GTPBP1: variants seen among roughly 807,000 people sequenced by gnomAD.
The protein encoded by GTPBP1 is GTP-binding protein 1.
A neutral mutation model predicts 62.0 loss-of-function variants in GTPBP1; 23 were observed. The ratio of observed to expected loss-of-function variants is 0.37; its 90% CI spans 0.27 to 0.53. GTPBP1 has a LOEUF of 0.53. Ranked by LOEUF, GTPBP1 falls within the 20% of genes least tolerant of loss-of-function variation. GTPBP1 has a pLI of 0.89. For missense variants in GTPBP1, 640 were observed against 917.3 expected (o/e 0.70, Z 3.90); for synonymous variants, 344 against 364.4 (o/e 0.94, Z 0.64).
intron 2 of GTPBP1, among the ~76,000 whole-genome samples, chr22:38,709,964 C>T (rs948056905): frequency 6.6e-6 from 1 of 152,226 alleles, no homozygotes; most frequent in African/African-American, 2.4e-5. Flanking sequence ...CCTGGTCACT[C>T]CTAGTTAGCA....
chr22:38,714,259 AC>A (rs1327358231), intron 2 of GTPBP1, among the ~76,000 whole-genome samples: 1 of 152,012 alleles, frequency 6.6e-6, no homozygotes, highest in Non-Finnish European at 1.5e-5. Context: ...CGGGCAGATC[AC>A]TTGAGGTCAG....
At chr22:38,713,785 G>A (rs1434858116) in intron 2 of GTPBP1, among the ~76,000 whole-genome samples, 1 of 152,200 alleles carries the variant, frequency 6.6e-6, no homozygotes, top group Non-Finnish European at 1.5e-5. Context: ...CATTGTTAGT[G>A]TCTGTGCTGT....
chr22:38,713,111 T>C (rs1046976317), intron 2 of GTPBP1, among the ~76,000 whole-genome samples: 4 of 152,110 alleles, frequency 2.6e-5, no homozygotes, highest in Non-Finnish European at 2.9e-5. Flanking sequence ...AGGATTTTGC[T>C]AGGAGGAGGT....
chr22:38,741,527 T>C (rs753471691), downstream of GTPBP1: 18 of 1,614,056 alleles, frequency 1.1e-5, no homozygotes, highest in Non-Finnish European at 1.5e-5. Flanking sequence ...TGAAGAGGTC[T>C]TCTGAGTCTT....
intron 5 of GTPBP1, chr22:38,723,510 G>C: frequency 5.8e-6 from 4 of 684,914 alleles, no homozygotes; most frequent in Non-Finnish European, 1.0e-5. Flanking sequence ...ACCATCTTCA[G>C]TGCACGCGGG....
chr22:38,719,346 T>C (rs1352374309), intron 4 of GTPBP1, among the ~76,000 whole-genome samples: 1 of 152,104 alleles, frequency 6.6e-6, no homozygotes, highest in East Asian at 1.9e-4. Flanking sequence ...CTCACTCTGT[T>C]ACCCAGGCTA....
chr22:38,736,311 T>C, downstream of GTPBP1: 1 of 1,614,026 alleles, frequency 6.2e-7, no homozygotes, highest in Non-Finnish European at 8.5e-7. Flanking sequence ...TAGATGCAGG[T>C]GTACTCGGGG....
chr22:38,724,476 G>A lies in GTPBP1; in HGVS notation c.1073+65G>A, dbSNP rs2092716736. 1.0e-5 allele frequency: 9 copies of A among 889,524 alleles called. No homozygotes were observed. The South Asian group carries it at 1.2e-4, about 12-fold the overall frequency. The allele number at this position is 889,524 out of a possible 1,614,324, so 55.1% of individuals were successfully genotyped here. On this transcript the variant is annotated intron_variant, in intron 6 of 11. Coordinates refer to ENST00000216044, the MANE Select transcript of GTPBP1 (RefSeq NM_004286.5). ...GCAGGCAGGACCACAGTGAGTGATG[G>A]GCCTGGAATGGCTGTCAGTTTGGGC...
In GTPBP1 at chr22:38,706,166, G is replaced by GGCGGGCGCTGAGGGGA. The variant is rs2092602861; in HGVS notation, c.192+27_192+42dup. On this transcript the variant is annotated intron_variant, in intron 1 of 11. Transcript: ENST00000216044. Reference sequence around the variant, plus strand: ...CAGCAAGGTAGGCCCGGGCGGCGGCGGCGGGCGCTGAGGGGAGCGGGCGGC... The same window carrying GGCGGGCGCTGAGGGGA: ...CAGCAAGGTAGGCCCGGGCGGCGGCGGCGGGCGCTGAGGGGAGCGGGCGCTGAGGGGAGCGGGCGGC... 3.2e-6 allele frequency: 4 copies of GGCGGGCGCTGAGGGGA among 1,231,258 alleles called. No homozygotes were observed. The East Asian group carries it at 1.3e-4, about 39-fold the overall frequency. The allele number at this position is 1,231,258 out of a possible 1,614,324, so 76.3% of individuals were successfully genotyped here.
rs1305869330 is a variant in GTPBP1 at position 38,726,468 on chromosome 22, C to G, written c.1401+28C>G. ...GAGTAGCGATGATACTGAACGCTCC[C>G]CTCAGACTCCATCATGCTAGGCTCT... On this transcript the variant is annotated intron_variant, in intron 8 of 11. Transcript: ENST00000216044. The surrounding 1 kb of genome is among the most constrained non-coding windows in gnomAD (Gnocchi z 4.1). 2 of 1,587,642 alleles carry G rather than the reference C, an allele frequency of 1.3e-6. No homozygotes were observed. The highest frequency in any genetic ancestry group is 4.5e-5 in the East Asian group (2 of 44,746).
At chr22:38,723,154 G>A in intron 5 of GTPBP1, 1 of 815,264 alleles carries the variant, frequency 1.2e-6, no homozygotes, top group Non-Finnish European at 2.2e-6. Flanking sequence ...CCTTAGCTTT[G>A]TCACTAAAAG....
chr22:38,708,475 T>C (rs2092619137), intron 1 of GTPBP1, among the ~76,000 whole-genome samples: 1 of 152,200 alleles, frequency 6.6e-6, no homozygotes, highest in Admixed American at 6.5e-5. Flanking sequence ...GGCTTCCAGA[T>C]GCCAACTGCA....
chr22:38,722,629 C>A, intron 5 of GTPBP1: 1 of 1,362,104 alleles, frequency 7.3e-7, no homozygotes, highest in Non-Finnish European at 1.0e-6. Flanking sequence ...TTTATGAGTA[C>A]AAGCATAATT....
chr22:38,728,011 C>T lies in GTPBP1; in HGVS notation c.1566C>T (p.Ala522=), dbSNP rs1374811344. 17 of 1,613,898 alleles carry T rather than the reference C, an allele frequency of 1.1e-5. No homozygotes were observed. Among genetic ancestry groups the T allele is most frequent in the Non-Finnish European group, 1.4e-5 (16 of 1,179,904 alleles). The change falls in exon 10 of 12, where the codon GCC becomes GCT. Residue 522 remains alanine, a synonymous_variant. Transcript: ENST00000216044. ...MVHCGSIRQT[A]TILSMDKDCL... ...ACTGTGGGAGCATCAGGCAGACAGC[C>T]ACCATTCTGAGCATGGACAAGGACT...
At chr22:38,742,643 A>G (rs574740977), downstream of GTPBP1, 128 of 1,477,190 alleles carry the variant, frequency 8.7e-5, 2 homozygotes, top group East Asian at 2.6e-3. Flanking sequence ...CAACACAGAA[A>G]GAAAGGGAAA....
chr22:38,742,180 T>C, downstream of GTPBP1: 1 of 1,228,884 alleles, frequency 8.1e-7, no homozygotes, highest in East Asian at 2.6e-5. Context: ...AGAAAGGGAG[T>C]AACTGCAAAA....
chr22:38,725,805 G>T (rs2092723607), intron 6 of GTPBP1: 2 of 586,122 alleles, frequency 3.4e-6, no homozygotes, highest in Admixed American at 5.9e-5. Context: ...AGAGAAGAAG[G>T]CCTCAGAGTA....
At chr22:38,721,231 C>T (rs1004476662) in intron 4 of GTPBP1, among the ~76,000 whole-genome samples, 2 of 152,202 alleles carry the variant, frequency 1.3e-5, no homozygotes, top group African/African-American at 2.4e-5. Context: ...AGGCATGTGC[C>T]ACCACGCCTG....
downstream of GTPBP1, chr22:38,739,640 G>A (rs1275066519): frequency 6.7e-7 from 1 of 1,492,930 alleles, no homozygotes; most frequent in South Asian, 1.2e-5. This position sits in a 1 kb window ranked among gnomAD's most constrained non-coding sequence, Gnocchi z 6.7. Flanking sequence ...ACCTGCCAGG[G>A]AGCTGGCAGT....
Sources: allele counts gnomAD v4.1 joint callset (sites outside exome capture counted in the v4.1 genomes callset), GRCh38; gene constraint gnomAD v4.1.1; non-coding constraint Gnocchi (gnomAD v3.1); transcripts MANE v1.5; gene names NCBI Gene and HGNC (gene_info 2026-07-23, HGNC 2026-07-21).